FRAS1: variants seen among roughly 807,000 people sequenced by gnomAD.
FRAS1 encodes the protein Fraser extracellular matrix complex subunit 1, also known as extracellular matrix organizing protein FRAS1.
In FRAS1, 290 loss-of-function variants were observed where a neutral mutation model predicts 435.2. The observed-to-expected ratio is 0.67, with a 90% CI of 0.61 to 0.73. FRAS1 has a LOEUF of 0.73. Among genes scored for constraint, FRAS1 ranks in the 30% least tolerant of loss-of-function variants. The probability of loss-of-function intolerance (pLI) is 0.00; values close to 1 mark genes in which losing one functional copy is unlikely to be tolerated. For missense variants in FRAS1, 4,860 were observed against 5,001.5 expected, an observed-to-expected ratio of 0.97 and a Z score of 0.85; for synonymous variants, 1,800 against 1,851.0, an observed-to-expected ratio of 0.97 and a Z score of 0.71.
intron 2 of FRAS1, among the ~76,000 whole-genome samples, chr4:78,157,599 C>T (rs528999664): frequency 6.4e-4 from 97 of 152,240 alleles, no homozygotes; most frequent in Middle Eastern, 6.8e-3. Flanking sequence ...TGTTTGTTGG[C>T]TGCTTGTATG....
At chr4:78,252,182 G>A (rs531761469) in intron 4 of FRAS1, among the ~76,000 whole-genome samples, 29 of 151,974 alleles carry the variant, frequency 1.9e-4, no homozygotes, top group South Asian at 1.9e-3. Context: ...AAATCTTCGC[G>A]GTAATAGAAG....
intron 12 of FRAS1, 22 bp downstream of exon 12, chr4:78,282,989 T>C: frequency 1.4e-6 from 2 of 1,427,532 alleles, no homozygotes; most frequent in South Asian, 1.7e-5. Context: ...TCTCCTCTGT[T>C]TCTACTGAGA....
intron 14 of FRAS1, among the ~76,000 whole-genome samples, chr4:78,304,757 T>C (rs933064230): frequency 6.6e-6 from 1 of 152,338 alleles, no homozygotes; most frequent in African/African-American, 2.4e-5. Context: ...CTTCTTTTTT[T>C]CTTTATTAGA....
intron 2 of FRAS1, among the ~76,000 whole-genome samples, chr4:78,129,424 C>G (rs561330770): frequency 2.4e-4 from 37 of 152,244 alleles, no homozygotes; most frequent in African/African-American, 8.9e-4. Flanking sequence ...GATGCAGGTA[C>G]TGAATTGGGT....
chr4:78,195,555 G>T (rs529159859), intron 2 of FRAS1, among the ~76,000 whole-genome samples: 1 of 152,232 alleles, frequency 6.6e-6, no homozygotes, highest in Non-Finnish European at 1.5e-5. Context: ...CTCTGTGGGC[G>T]TAGGACCCTT....
rs771473696 is a variant in FRAS1 at position 78,479,337 on chromosome 4, AT to A, written c.8099-35del. 5.1e-6 allele frequency: 7 copies of A among 1,374,452 alleles called. No individual in the cohort carries two copies. The Admixed American group carries it at 1.6e-4, about 32-fold the overall frequency. The allele number at this position is 1,374,452 out of a possible 1,614,324, so 85.1% of individuals were successfully genotyped here. Reference sequence around the variant, plus strand: ...AGGTTTTAAAATCTGAGAAGCACTCATTCAAATGCTTTGGTTTTTTGCCATT... The same window carrying A: ...AGGTTTTAAAATCTGAGAAGCACTCATCAAATGCTTTGGTTTTTTGCCATT... On this transcript the variant is annotated intron_variant, in intron 55 of 73. Coordinates refer to ENST00000512123, the MANE Select transcript of FRAS1 (RefSeq NM_025074.7).
At chr4:78,108,584 G>C (rs1035796450) in intron 2 of FRAS1, among the ~76,000 whole-genome samples, 2 of 99,616 alleles carry the variant, frequency 2.0e-5, no homozygotes, top group Non-Finnish European at 2.0e-5. Flanking sequence ...AGAATCTCTG[G>C]GACACATTCA....
intron 2 of FRAS1, among the ~76,000 whole-genome samples, chr4:78,067,858 C>CA (rs1740126602): frequency 8.0e-6 from 1 of 125,140 alleles, no homozygotes. Context: ...CACACCCAGC[C>CA]AATTTTTTTT....
Position 78,515,812 on chromosome 4 carries a change from GGAT to G in FRAS1, c.10193_10195del (p.Asp3398del). 6.2e-7 allele frequency: 1 copy of G among 1,613,830 alleles called. No individual in the cohort carries two copies. The highest frequency in any genetic ancestry group is 8.5e-7 in the Non-Finnish European group (1 of 1,179,848). ...CCTCCCTGGCAGAGGCAGGGTTCCT[GGAT>G]GATGTGGTCTATGATAGCACTGCCC... On this transcript the variant is annotated inframe_deletion, in exon 66 of 74. Coordinates refer to ENST00000512123, the MANE Select transcript of FRAS1 (RefSeq NM_025074.7).
chr4:78,433,018 A>G (rs1734273659), intron 38 of FRAS1, among the ~76,000 whole-genome samples: 1 of 152,258 alleles, frequency 6.6e-6, no homozygotes, highest in African/African-American at 2.4e-5. Flanking sequence ...CCCACTTGTC[A>G]TCAGTTTCTG....
intron 9 of FRAS1, among the ~76,000 whole-genome samples, chr4:78,270,485 C>G (rs1726610118): frequency 6.6e-6 from 1 of 152,080 alleles, no homozygotes; most frequent in Admixed American, 6.6e-5. Flanking sequence ...GTGTATTTTG[C>G]TATAAGCTTT....
At chr4:78,093,012 G>T (rs1741612084) in intron 2 of FRAS1, among the ~76,000 whole-genome samples, 1 of 152,280 alleles carries the variant, frequency 6.6e-6, no homozygotes, top group Non-Finnish European at 1.5e-5. Context: ...TTTCCTTTTT[G>T]TGTAGCTGGG....
At chr4:78,183,516 G>GT (rs1722130747) in intron 2 of FRAS1, among the ~76,000 whole-genome samples, 1 of 152,106 alleles carries the variant, frequency 6.6e-6, no homozygotes, top group Non-Finnish European at 1.5e-5. Context: ...GTATTGTATT[G>GT]TTTCTATGTT....
At chr4:78,113,025 T>C (rs906557675) in intron 2 of FRAS1, among the ~76,000 whole-genome samples, 5 of 152,130 alleles carry the variant, frequency 3.3e-5, no homozygotes, top group Non-Finnish European at 5.9e-5. Flanking sequence ...CCCCTTCCTA[T>C]GTCCATGTGT....
At chr4:78,306,661 C>T in intron 14 of FRAS1, among the ~76,000 whole-genome samples, 1 of 149,480 alleles carries the variant, frequency 6.7e-6, no homozygotes, top group Non-Finnish European at 1.5e-5. Flanking sequence ...GCATCGGCTC[C>T]TGAGGCTTCT....
chr4:78,136,454 A>G (rs936349554), intron 2 of FRAS1, among the ~76,000 whole-genome samples: 2 of 152,212 alleles, frequency 1.3e-5, no homozygotes, highest in African/African-American at 2.4e-5. Flanking sequence ...TACGGAATCC[A>G]TGCATAATGA....
intron 2 of FRAS1, among the ~76,000 whole-genome samples, chr4:78,167,266 G>C (rs1309269010): frequency 1.3e-5 from 2 of 152,152 alleles, no homozygotes; most frequent in Non-Finnish European, 2.9e-5. Context: ...GCTGAAGCTA[G>C]AGAGGAATAA....
chr4:78,319,428 G>C (rs1729409663), intron 18 of FRAS1: 2 of 456,834 alleles, frequency 4.4e-6, no homozygotes, highest in South Asian at 1.5e-5. Flanking sequence ...ATCATCTACA[G>C]AGAATTGATG....
At chr4:78,138,637 C>T (rs1720028232) in intron 2 of FRAS1, among the ~76,000 whole-genome samples, 2 of 152,132 alleles carry the variant, frequency 1.3e-5, no homozygotes, top group African/African-American at 4.8e-5. Flanking sequence ...GACTTAATCT[C>T]TCAGTCTCAG....
Sources: allele counts gnomAD v4.1 joint callset (sites outside exome capture counted in the v4.1 genomes callset), GRCh38; gene constraint gnomAD v4.1.1; transcripts MANE v1.5; gene names NCBI Gene and HGNC (gene_info 2026-07-23, HGNC 2026-07-21).